The following STX8 variants were observed in gnomAD, a reference collection of about 807,000 sequenced individuals.
The protein encoded by STX8 is syntaxin-8.
A neutral mutation model predicts 37.5 loss-of-function variants in STX8; 23 were observed. The ratio of observed to expected loss-of-function variants is 0.61; its 90% confidence interval spans 0.44 to 0.87. STX8 has a LOEUF of 0.87. Among genes scored for constraint, STX8 ranks in the 40% least tolerant of loss-of-function variants. STX8 has a pLI of 0.00. For missense variants in STX8, 313 were observed against 284.7 expected, an observed-to-expected ratio of 1.10 and a Z score of -0.71; for synonymous variants, 115 against 99.1, an observed-to-expected ratio of 1.16 and a Z score of -0.95.
At chr17:9,434,043 G>A (rs886216745) in intron 6 of STX8, among the ~76,000 whole-genome samples, 5 of 151,794 alleles carry the variant, frequency 3.3e-5, no homozygotes, top group Admixed American at 6.6e-5. Context: ...TCACTCTATC[G>A]CCTAGGCTGG....
intron 7 of STX8, among the ~76,000 whole-genome samples, chr17:9,275,022 A>T (rs1427609226): frequency 6.6e-6 from 1 of 152,080 alleles, no homozygotes; most frequent in Admixed American, 6.6e-5. Context: ...AAGTGCAGGG[A>T]TTACAGGCAT....
intron 7 of STX8, among the ~76,000 whole-genome samples, chr17:9,353,906 G>C (rs1331605412): frequency 1.3e-5 from 2 of 151,930 alleles, no homozygotes; most frequent in East Asian, 3.9e-4. Context: ...TAATGTATAA[G>C]CTAAAAAGTC....
chr17:9,521,229 G>T (rs984737983), intron 4 of STX8, among the ~76,000 whole-genome samples: 1 of 152,208 alleles, frequency 6.6e-6, no homozygotes, highest in African/African-American at 2.4e-5. Flanking sequence ...GGCCAGTGTG[G>T]TAATTTAGGT....
At chr17:9,282,257 C>T (rs1421263048) in intron 7 of STX8, among the ~76,000 whole-genome samples, 3 of 152,070 alleles carry the variant, frequency 2.0e-5, no homozygotes, top group African/African-American at 2.4e-5. Flanking sequence ...CTCAGCCCCC[C>T]GAGGAGCTGG....
chr17:9,489,862 G>A (rs1043222591), intron 6 of STX8, among the ~76,000 whole-genome samples: 3 of 151,840 alleles, frequency 2.0e-5, no homozygotes, highest in Non-Finnish European at 4.4e-5. Flanking sequence ...CTAATTTTTT[G>A]TATCTTTAGT....
At chr17:9,458,392 G>A (rs577500483) in intron 6 of STX8, among the ~76,000 whole-genome samples, 16 of 151,092 alleles carry the variant, frequency 1.1e-4, no homozygotes, top group South Asian at 4.2e-4. Context: ...TTCGTGATCC[G>A]CCCGCCTTGG....
chr17:9,314,467 G>A (rs979957759), intron 7 of STX8, among the ~76,000 whole-genome samples: 4 of 151,622 alleles, frequency 2.6e-5, no homozygotes, highest in Non-Finnish European at 4.4e-5. Context: ...ATATGATCTC[G>A]GCTCACTGCA....
intron 6 of STX8, among the ~76,000 whole-genome samples, chr17:9,380,922 C>A (rs1409405228): frequency 6.6e-6 from 1 of 151,916 alleles, no homozygotes; most frequent in African/African-American, 2.4e-5. Context: ...ACCATGTTGG[C>A]CAGGCTGGTC....
In STX8 at chr17:9,333,147, C is replaced by G. The variant is rs966404452; in HGVS notation, c.643+45405G>C. Among the ~76,000 whole-genome samples, 3 of 152,148 alleles carry G rather than the reference C, an allele frequency of 2.0e-5. No individual in the cohort carries two copies. The East Asian group carries it at 5.8e-4, about 29-fold the overall frequency. Reference sequence around the variant, plus strand: ...AGGAGGTACATATACAGATTTGTCACATGGGTATATTGTGTGACACTGAGG... The same window carrying G: ...AGGAGGTACATATACAGATTTGTCAGATGGGTATATTGTGTGACACTGAGG... On this transcript the variant is annotated intron_variant, in intron 7 of 7. Transcript: ENST00000306357.
intron 7 of STX8, among the ~76,000 whole-genome samples, chr17:9,355,673 C>A (rs925965323): frequency 1.4e-4 from 21 of 152,108 alleles, no homozygotes; most frequent in Non-Finnish European, 2.4e-4. Flanking sequence ...CCACTCCTGG[C>A]TAATTTTTGT....
At position 9,384,466 on chromosome 17, in the gene STX8, G is replaced by A. The variant is rs1048500617; in HGVS notation, c.542-5813C>T. On this transcript the variant is annotated intron_variant, in intron 6 of 7. Transcript: ENST00000306357. Reference sequence around the variant, plus strand: ...ATCCTGGCTAACATGGTGAAACCCCGTCTCTACTAAAAATACAAAAAATTA... The same window carrying A: ...ATCCTGGCTAACATGGTGAAACCCCATCTCTACTAAAAATACAAAAAATTA... 4.6e-5 allele frequency among the ~76,000 whole-genome samples: 7 copies of A among 151,934 alleles called. No homozygotes were observed. In the South Asian group the frequency reaches 1.2e-3, roughly 27 times the overall value.
intron 7 of STX8, among the ~76,000 whole-genome samples, chr17:9,356,453 C>T (rs569180868): frequency 2.0e-5 from 3 of 152,306 alleles, no homozygotes; most frequent in Middle Eastern, 3.4e-3. Context: ...CCCATGTAAG[C>T]TGCCTATATG....
intron 7 of STX8, among the ~76,000 whole-genome samples, chr17:9,318,590 C>G (rs974377357): frequency 6.6e-6 from 1 of 152,022 alleles, no homozygotes; most frequent in African/African-American, 2.4e-5. Flanking sequence ...ACGGCAGTAA[C>G]AAGATAAATA....
chr17:9,388,811 AG>A lies in STX8; in HGVS notation c.542-10159del, dbSNP rs1438337478. Among the ~76,000 whole-genome samples the A allele has an allele frequency of 2.3e-3, 295 of 129,974 alleles. 2 individuals are homozygous for A. The highest frequency in any genetic ancestry group is 7.6e-3 in the African/African-American group (238 of 31,154). The allele number at this position is 129,974 out of a possible 152,430, so 85.3% of individuals were successfully genotyped here. On this transcript the variant is annotated intron_variant, in intron 6 of 7. Coordinates refer to ENST00000306357, the MANE Select transcript of STX8 (RefSeq NM_004853.3). The stretch of plus-strand genomic sequence containing the variant: ...AGAGCAAAACTCTGTCTCAAAAAAA[AG>A]AAAAAAAAAAAAAAAAACCATACAT...
intron 7 of STX8, among the ~76,000 whole-genome samples, chr17:9,297,806 G>T (rs948209581): frequency 6.6e-6 from 1 of 152,166 alleles, no homozygotes; most frequent in African/African-American, 2.4e-5. Flanking sequence ...AGCCCAGGAG[G>T]TCAAGACTAG....
At chr17:9,415,694 G>A (rs993682468) in intron 6 of STX8, among the ~76,000 whole-genome samples, 2 of 152,116 alleles carry the variant, frequency 1.3e-5, no homozygotes, top group Non-Finnish European at 2.9e-5. Flanking sequence ...GCGTGAACCC[G>A]GTAGGTGGAG....
At chr17:9,312,845 C>A (rs527820958) in intron 7 of STX8, among the ~76,000 whole-genome samples, 1 of 152,234 alleles carries the variant, frequency 6.6e-6, no homozygotes, top group South Asian at 2.1e-4. Context: ...TTGGATAGAT[C>A]GTCAAGGTAG....
intron 6 of STX8, among the ~76,000 whole-genome samples, chr17:9,392,787 G>T (rs1011157380): frequency 6.6e-6 from 1 of 152,136 alleles, no homozygotes. Context: ...GAATGGACAT[G>T]ATACAGGAAA....
chr17:9,572,241 GGGCTCC>G (rs1907714667), intron 1 of STX8, among the ~76,000 whole-genome samples: 1 of 152,106 alleles, frequency 6.6e-6, no homozygotes, highest in Non-Finnish European at 1.5e-5. Flanking sequence ...CAGTGATCAT[GGGCTCC>G]TTCTGTTAAA....
Sources: allele counts gnomAD v4.1 joint callset (sites outside exome capture counted in the v4.1 genomes callset), GRCh38; gene constraint gnomAD v4.1.1; transcripts MANE v1.5; gene names NCBI Gene and HGNC (gene_info 2026-07-23, HGNC 2026-07-21).